The following MEIS2 variants were observed in gnomAD, a reference collection of about 807,000 sequenced individuals.
MEIS2 encodes the protein Meis homeobox 2, also known as homeobox protein Meis2.
A neutral mutation model predicts 58.6 loss-of-function variants in MEIS2; 9 were observed. That is an observed-to-expected ratio of 0.15 (90% CI 0.09 to 0.27). The LOEUF is 0.27. MEIS2 is among the 10% of genes least tolerant of loss of function. The pLI is 1.00. For synonymous variants in MEIS2, 221 were observed against 228.4 expected (o/e 0.97, Z 0.29); for missense variants, 427 against 635.0 (o/e 0.67, Z 3.52).
At chr15:37,089,915 TGTGA>T (rs1237383898) in intron 6 of MEIS2, among the ~76,000 whole-genome samples, 1 of 152,140 alleles carries the variant, frequency 6.6e-6, no homozygotes, top group East Asian at 1.9e-4. Flanking sequence ...AAATAGATAA[TGTGA>T]GTATCACCTG....
chr15:36,910,567 G>A (rs2056961575), intron 9 of MEIS2, among the ~76,000 whole-genome samples: 1 of 152,132 alleles, frequency 6.6e-6, no homozygotes, highest in African/African-American at 2.4e-5. Context: ...ATATTTTTAA[G>A]CCTTTTATCA....
chr15:36,985,587 C>T (rs1175973111), intron 8 of MEIS2, among the ~76,000 whole-genome samples: 1 of 152,106 alleles, frequency 6.6e-6, no homozygotes, highest in African/African-American at 2.4e-5. Flanking sequence ...GTCCGCACTG[C>T]CAATATTTTT....
Position 36,950,521 on chromosome 15 carries a change from T to C in MEIS2, c.901-121A>G, listed in dbSNP as rs1356166494. On this transcript the variant is annotated intron_variant, in intron 8 of 11. Transcript: ENST00000561208. ...CTATGGCTTGATTTTCCTACTTGCA[T>C]CTTTTTTATCATGTGTTGAGAAATG... is the stretch of plus-strand genomic sequence containing the variant. 10 of 899,960 alleles carry C rather than the reference T, an allele frequency of 1.1e-5. No individual in the cohort carries two copies. In the East Asian group the frequency reaches 1.5e-4, roughly 14 times the overall value. The allele number at this position is 899,960 out of a possible 1,614,324, so 55.7% of individuals were successfully genotyped here.
At chr15:36,918,821 T>C (rs1249660258) in intron 9 of MEIS2, among the ~76,000 whole-genome samples, 2 of 152,192 alleles carry the variant, frequency 1.3e-5, no homozygotes, top group Non-Finnish European at 2.9e-5. Flanking sequence ...CTCCTAGTCA[T>C]AAGCTTAGTA....
At chr15:37,071,423 A>AATTCATAACTTCTCTTTTCCAGGG (rs1216878254) in intron 7 of MEIS2, among the ~76,000 whole-genome samples, 2 of 152,042 alleles carry the variant, frequency 1.3e-5, no homozygotes, top group Non-Finnish European at 2.9e-5. Flanking sequence ...CTAGCTTTAC[A>AATTCATAACTTCTCTTTTCCAGGG]ATTCATAACT....
chr15:37,092,893 A>G (rs1226404073), intron 6 of MEIS2, among the ~76,000 whole-genome samples: 5 of 150,982 alleles, frequency 3.3e-5, no homozygotes, highest in African/African-American at 1.2e-4. Context: ...TTAAAATTCA[A>G]CCACTAACCT....
In MEIS2 at chr15:36,906,323, A is replaced by G. The variant is rs75818172; in HGVS notation, c.978-9637T>C. Reference sequence around the variant, plus strand: ...GAGAATCTAGAAGCTGAGAAGATGGAAAGTTCTTGTCCAATCCAGGCAGAA... The same window carrying G: ...GAGAATCTAGAAGCTGAGAAGATGGGAAGTTCTTGTCCAATCCAGGCAGAA... On this transcript the variant is annotated intron_variant, in intron 9 of 11. Coordinates refer to ENST00000561208, the MANE Select transcript of MEIS2 (RefSeq NM_170675.5). Among the ~76,000 whole-genome samples the G allele has an allele frequency of 7.7e-3, 1,177 of 152,262 alleles. 13 individuals carry two copies. Among genetic ancestry groups the G allele is most frequent in the African/African-American group, 0.027 (1,125 of 41,532 alleles).
rs1293374331 is a variant in MEIS2, at chr15:37,098,479, G to A, written c.13-280C>T. The A allele has an allele frequency of 3.1e-6, 3 of 961,414 alleles. No homozygotes were observed. In the African/African-American group the frequency reaches 5.1e-5, roughly 16 times the overall value. The allele number at this position is 961,414 out of a possible 1,614,324, so 59.6% of individuals were successfully genotyped here. Reference sequence around the variant, plus strand: ...GAGAAAAGTACCGAGCACAAGTTGAGCACACAGAAACCAAACCAGCCAAAA... The same window carrying A: ...GAGAAAAGTACCGAGCACAAGTTGAACACACAGAAACCAAACCAGCCAAAA... On this transcript the variant is annotated intron_variant, in intron 1 of 11. Transcript: ENST00000561208.
chr15:37,059,082 C>T (rs141866844), intron 7 of MEIS2, among the ~76,000 whole-genome samples: 2 of 152,200 alleles, frequency 1.3e-5, no homozygotes, highest in African/African-American at 4.8e-5. Flanking sequence ...AAAACAAAAA[C>T]GAGGAGATAA....
At chr15:36,912,052 A>AGG (rs35982032) in intron 9 of MEIS2, among the ~76,000 whole-genome samples, 1 of 151,878 alleles carries the variant, frequency 6.6e-6, no homozygotes, top group Admixed American at 6.6e-5. Context: ...TATAAGCCCT[A>AGG]GGGGGGATAA....
intron 7 of MEIS2, among the ~76,000 whole-genome samples, chr15:37,068,265 C>T (rs1233196203): frequency 6.6e-6 from 1 of 152,060 alleles, no homozygotes; most frequent in Non-Finnish European, 1.5e-5. Context: ...GAATCACTTC[C>T]CTTAAGTTTG....
At chr15:36,949,952 C>T (rs1272331381) in intron 9 of MEIS2, among the ~76,000 whole-genome samples, 1 of 152,002 alleles carries the variant, frequency 6.6e-6, no homozygotes, top group Non-Finnish European at 1.5e-5. Context: ...CTGGTAACTC[C>T]GTATGAGGAC....
At chr15:36,978,184 G>A (rs908364975) in intron 8 of MEIS2, among the ~76,000 whole-genome samples, 3 of 152,158 alleles carry the variant, frequency 2.0e-5, no homozygotes, top group Admixed American at 2.0e-4. Flanking sequence ...CTGGTCTTCA[G>A]GCCAATTAAT....
intron 7 of MEIS2, among the ~76,000 whole-genome samples, chr15:37,082,391 T>C (rs186188208): frequency 6.6e-6 from 1 of 152,200 alleles, no homozygotes; most frequent in Non-Finnish European, 1.5e-5. Flanking sequence ...TTTCACCCTT[T>C]GTGTCGCCGC....
chr15:36,941,699 G>A (rs867289662), intron 9 of MEIS2, among the ~76,000 whole-genome samples: 2 of 152,168 alleles, frequency 1.3e-5, no homozygotes, highest in Non-Finnish European at 2.9e-5. Context: ...GACCATCTCT[G>A]TAAAGGAGAT....
intron 8 of MEIS2, among the ~76,000 whole-genome samples, chr15:37,018,197 T>G (rs1349393968): frequency 6.6e-6 from 1 of 152,222 alleles, no homozygotes; most frequent in African/African-American, 2.4e-5. Context: ...GAATATTTTC[T>G]TTATATGTGG....
intron 7 of MEIS2, among the ~76,000 whole-genome samples, chr15:37,053,025 T>G (rs940593977): frequency 5.9e-5 from 9 of 152,202 alleles, no homozygotes; most frequent in African/African-American, 2.2e-4. Flanking sequence ...ATTCAGATCC[T>G]GTTAGCTAAT....
intron 8 of MEIS2, among the ~76,000 whole-genome samples, chr15:37,005,035 C>T (rs1027715086): frequency 4.6e-5 from 7 of 152,114 alleles, no homozygotes; most frequent in Non-Finnish European, 1.0e-4. Context: ...ATGTTGGAGC[C>T]TCTGGTTGAT....
At chr15:36,994,317 T>C (rs1661678319) in intron 8 of MEIS2, among the ~76,000 whole-genome samples, 1 of 152,190 alleles carries the variant, frequency 6.6e-6, no homozygotes, top group African/African-American at 2.4e-5. Flanking sequence ...ATACCCACCA[T>C]ATACCTAATT....
Sources: allele counts gnomAD v4.1 joint callset (sites outside exome capture counted in the v4.1 genomes callset), GRCh38; gene constraint gnomAD v4.1.1; transcripts MANE v1.5; gene names NCBI Gene and HGNC (gene_info 2026-07-23, HGNC 2026-07-21).